The following SLC25A21 variants were observed in gnomAD, a reference collection of about 807,000 sequenced individuals.
SLC25A21 encodes solute carrier family 25 member 21.
SLC25A21 carries 47 observed loss-of-function variants against 43.8 expected under a neutral mutation model. That is an observed-to-expected ratio of 1.07 (90% CI 0.85 to 1.37). SLC25A21 has a LOEUF of 1.37. SLC25A21 is among the 40% of genes most tolerant of loss of function. The pLI is 0.00. For synonymous variants in SLC25A21, 131 were observed against 121.3 expected (o/e 1.08, Z -0.52); for missense variants, 352 against 350.2 (o/e 1.00, Z -0.04).
intron 1 of SLC25A21, among the ~76,000 whole-genome samples, chr14:36,889,730 A>G (rs2138581180): frequency 6.6e-6 from 1 of 152,082 alleles, no homozygotes; most frequent in Non-Finnish European, 1.5e-5. Flanking sequence ...TCCTCAAGCA[A>G]TCCTCCCACC....
intron 3 of SLC25A21, among the ~76,000 whole-genome samples, chr14:36,777,999 C>T (rs1160503477): frequency 1.3e-5 from 2 of 152,188 alleles, no homozygotes; most frequent in African/African-American, 4.8e-5. Context: ...AACTCCCATT[C>T]CTTACCTCCC....
chr14:37,036,187 A>G (rs1315439424), intron 1 of SLC25A21, among the ~76,000 whole-genome samples: 1 of 151,320 alleles, frequency 6.6e-6, no homozygotes, highest in Admixed American at 6.6e-5. Flanking sequence ...CCAACAGGAA[A>G]TGCCAGAGAT....
chr14:37,165,426 C>T (rs751263393), intron 1 of SLC25A21, among the ~76,000 whole-genome samples: 8 of 151,454 alleles, frequency 5.3e-5, no homozygotes, highest in Non-Finnish European at 8.8e-5. Context: ...AAGGATGAAA[C>T]AGCAACCTGG....
chr14:37,007,968 A>G (rs1001461334), intron 1 of SLC25A21, among the ~76,000 whole-genome samples: 12 of 149,094 alleles, frequency 8.0e-5, no homozygotes, highest in African/African-American at 3.0e-4. Flanking sequence ...TTTTTTTTTC[A>G]GGTTCAAGCG....
chr14:37,043,718 G>A (rs1961523385), intron 1 of SLC25A21, among the ~76,000 whole-genome samples: 1 of 151,668 alleles, frequency 6.6e-6, no homozygotes, highest in East Asian at 1.9e-4. Flanking sequence ...CAAATTGCTT[G>A]GTCACTTCTC....
chr14:37,130,558 G>C (rs1172503069), intron 1 of SLC25A21, among the ~76,000 whole-genome samples: 1 of 152,166 alleles, frequency 6.6e-6, no homozygotes. Context: ...AAACAATAAA[G>C]TGCATTACTG....
At chr14:36,728,080 G>A (rs1035284588) in intron 5 of SLC25A21, among the ~76,000 whole-genome samples, 4 of 152,154 alleles carry the variant, frequency 2.6e-5, no homozygotes, top group African/African-American at 4.8e-5. Context: ...ATCATGTTAC[G>A]TAGGTTGTTC....
chr14:36,807,431 A>G (rs774764819), intron 3 of SLC25A21, among the ~76,000 whole-genome samples: 17 of 152,174 alleles, frequency 1.1e-4, no homozygotes, highest in Non-Finnish European at 1.9e-4. Context: ...TTGGAAGTTT[A>G]GGAGGAGGAT....
chr14:37,143,315 C>T (rs1327717333), intron 1 of SLC25A21, among the ~76,000 whole-genome samples: 1 of 152,188 alleles, frequency 6.6e-6, no homozygotes, highest in Admixed American at 6.5e-5. Context: ...GGCAAACAGG[C>T]TTAGCTAACT....
Position 37,018,957 on chromosome 14 carries a change from G to C in SLC25A21, c.71-143953C>G, listed in dbSNP as rs572146264. 5.3e-5 allele frequency among the ~76,000 whole-genome samples: 8 copies of C among 152,066 alleles called. No individual in the cohort carries two copies. In the South Asian group the frequency reaches 1.7e-3, roughly 32 times the overall value. ...GAAAATACTCTGAATATAGCTGTGG[G>C]TTTATCCCAGGATCTACAGTTTGAA... On this transcript the variant is annotated intron_variant, in intron 1 of 9. Transcript: ENST00000331299.
At chr14:36,851,598 TG>T (rs1312759182) in intron 2 of SLC25A21, among the ~76,000 whole-genome samples, 2 of 152,206 alleles carry the variant, frequency 1.3e-5, no homozygotes, top group African/African-American at 2.4e-5. Flanking sequence ...ATCAATTGAA[TG>T]TGGCTGCTTA....
chr14:36,955,679 C>T (rs1211320419), intron 1 of SLC25A21, among the ~76,000 whole-genome samples: 4 of 152,150 alleles, frequency 2.6e-5, no homozygotes, highest in Admixed American at 2.6e-4. Context: ...TTTTTCACAT[C>T]TACACATCAA....
Position 36,680,562 on chromosome 14 carries a change from A to ATAAT in SLC25A21, c.*92_*95dup, listed in dbSNP as rs1310342223. Reference sequence around the variant, plus strand: ...TTGTTCTTGAACAGTTTTCTCCTTCATAATTATACACCTGGCCGATCGATA... The same window carrying ATAAT: ...TTGTTCTTGAACAGTTTTCTCCTTCATAATTAATTATACACCTGGCCGATCGATA... On this transcript the variant is annotated 3_prime_UTR_variant, in exon 10 of 10. Coordinates refer to ENST00000331299, the MANE Select transcript of SLC25A21 (RefSeq NM_030631.4). 2.3e-5 allele frequency: 33 copies of ATAAT among 1,454,178 alleles called. No individual in the cohort carries two copies. Among genetic ancestry groups the ATAAT allele is most frequent in the Middle Eastern group, 3.7e-4 (2 of 5,452 alleles). The allele number at this position is 1,454,178 out of a possible 1,614,324, so 90.1% of individuals were successfully genotyped here. A position where few individuals can be genotyped will look rare whatever the true frequency, so the allele number is the denominator to read the frequency against.
chr14:37,131,090 T>C (rs1417608387), intron 1 of SLC25A21, among the ~76,000 whole-genome samples: 1 of 152,206 alleles, frequency 6.6e-6, no homozygotes, highest in Non-Finnish European at 1.5e-5. Context: ...TAAACACGTT[T>C]GCACACTTTT....
intron 3 of SLC25A21, among the ~76,000 whole-genome samples, chr14:36,745,874 C>G (rs189227485): frequency 6.6e-6 from 1 of 152,158 alleles, no homozygotes; most frequent in African/African-American, 2.4e-5. Context: ...CACTAATCAT[C>G]AGAAAAATGC....
intron 1 of SLC25A21, among the ~76,000 whole-genome samples, chr14:36,945,660 A>T (rs1245030050): frequency 1.3e-5 from 2 of 152,202 alleles, no homozygotes; most frequent in Admixed American, 6.5e-5. Flanking sequence ...TATACCTAGA[A>T]TAATCAAATT....
intron 1 of SLC25A21, among the ~76,000 whole-genome samples, chr14:37,118,094 C>A (rs1963138905): frequency 6.6e-6 from 1 of 152,052 alleles, no homozygotes. Context: ...ATGGTAGGAA[C>A]CCGAATTATA....
At chr14:36,892,157 T>C (rs978848283) in intron 1 of SLC25A21, among the ~76,000 whole-genome samples, 1 of 152,174 alleles carries the variant, frequency 6.6e-6, no homozygotes, top group South Asian at 2.1e-4. Flanking sequence ...TCGCTGGGAA[T>C]GTAAATTAGT....
chr14:37,148,857 CTT>C (rs1194039793), intron 1 of SLC25A21, among the ~76,000 whole-genome samples: 1 of 152,156 alleles, frequency 6.6e-6, no homozygotes, highest in African/African-American at 2.4e-5. Context: ...TGAAAAGCCT[CTT>C]TGCAGAGTGA....
Sources: allele counts gnomAD v4.1 joint callset (sites outside exome capture counted in the v4.1 genomes callset), GRCh38; gene constraint gnomAD v4.1.1; transcripts MANE v1.5; gene names NCBI Gene and HGNC (gene_info 2026-07-23, HGNC 2026-07-21).